The following EVA1C variants were observed in gnomAD, a reference collection of about 807,000 sequenced individuals.
EVA1C encodes protein eva-1 homolog C.
EVA1C carries 25 observed loss-of-function variants against 45.4 expected under a neutral mutation model. The observed-to-expected ratio is 0.55, with a 90% confidence interval of 0.40 to 0.77. EVA1C has a LOEUF of 0.77. Among genes scored for constraint, EVA1C ranks in the 30% least tolerant of loss-of-function variants. EVA1C has a pLI of 0.00. For synonymous variants in EVA1C, 190 were observed against 221.2 expected, an observed-to-expected ratio of 0.86 and a Z score of 1.25; for missense variants, 479 against 554.8, an observed-to-expected ratio of 0.86 and a Z score of 1.37.
chr21:32,422,144 T>C (rs893345615), intron 1 of EVA1C, among the ~76,000 whole-genome samples: 1 of 151,892 alleles, frequency 6.6e-6, no homozygotes, highest in Admixed American at 6.6e-5. Flanking sequence ...AACAGGTGTA[T>C]TTGTAAAAGA....
intron 1 of EVA1C, among the ~76,000 whole-genome samples, chr21:32,442,669 A>AG (rs1208031759): frequency 6.6e-6 from 1 of 151,550 alleles, no homozygotes; most frequent in Non-Finnish European, 1.5e-5. Flanking sequence ...GTTATAAAAA[A>AG]AAAAAAAAAA....
At chr21:32,447,573 T>C (rs2035410966) in intron 1 of EVA1C, among the ~76,000 whole-genome samples, 1 of 152,060 alleles carries the variant, frequency 6.6e-6, no homozygotes, top group South Asian at 2.1e-4. Context: ...GCCAAGTCCC[T>C]TTTACCATGA....
intron 7 of EVA1C, among the ~76,000 whole-genome samples, chr21:32,513,370 C>T (rs1240269522): frequency 2.7e-5 from 4 of 148,478 alleles, no homozygotes; most frequent in Admixed American, 2.7e-4. Flanking sequence ...TTGGTACAGA[C>T]GGGGTTTCAC....
At chr21:32,461,942 G>A (rs908850335) in intron 3 of EVA1C, among the ~76,000 whole-genome samples, 12 of 152,170 alleles carry the variant, frequency 7.9e-5, no homozygotes, top group African/African-American at 2.9e-4. Flanking sequence ...CTAGGACTCA[G>A]TTGTAACATG....
intron 4 of EVA1C, among the ~76,000 whole-genome samples, chr21:32,491,767 G>C (rs1356410974): frequency 6.6e-6 from 1 of 151,532 alleles, no homozygotes; most frequent in Non-Finnish European, 1.5e-5. Flanking sequence ...AGGGAGTCCA[G>C]TTACTAGACT....
chr21:32,495,392 G>T (rs1220689866), intron 5 of EVA1C, among the ~76,000 whole-genome samples: 1 of 152,130 alleles, frequency 6.6e-6, no homozygotes, highest in Non-Finnish European at 1.5e-5. Context: ...CAAAATTTGT[G>T]TAAAAGCACC....
At chr21:32,457,477 C>T in intron 2 of EVA1C, 120 bp from the exon 3 acceptor site, 1 of 1,154,894 alleles carries the variant, frequency 8.7e-7, no homozygotes, top group Non-Finnish European at 1.3e-6. Flanking sequence ...GCCTTAGACA[C>T]AGCTTGGCCA....
chr21:32,421,667 G>C (rs533054025), intron 1 of EVA1C, among the ~76,000 whole-genome samples: 1 of 152,292 alleles, frequency 6.6e-6, no homozygotes, highest in Admixed American at 6.5e-5. Context: ...TAGCTAAAAT[G>C]CTGCTGATTA....
intron 5 of EVA1C, among the ~76,000 whole-genome samples, chr21:32,497,589 T>G (rs1434712758): frequency 6.6e-6 from 1 of 152,204 alleles, no homozygotes. Flanking sequence ...AGGTGCAGTT[T>G]CTAGTGTGCT....
intron 6 of EVA1C, among the ~76,000 whole-genome samples, chr21:32,503,440 G>A (rs897782449): frequency 6.6e-6 from 1 of 152,152 alleles, no homozygotes; most frequent in African/African-American, 2.4e-5. Flanking sequence ...CAGCTACTCA[G>A]GAGGCTGAGG....
chr21:32,498,755 G>GAT (rs2037436043), intron 5 of EVA1C, among the ~76,000 whole-genome samples: 2 of 152,166 alleles, frequency 1.3e-5, no homozygotes, highest in African/African-American at 4.8e-5. Context: ...TGAGGAGGAA[G>GAT]ATGGCCCTGG....
intron 6 of EVA1C, 64 bp downstream of exon 6, chr21:32,501,559 C>T: frequency 6.4e-7 from 1 of 1,572,806 alleles, no homozygotes. Flanking sequence ...CCTGGGTGAC[C>T]ACAGTTGGGC....
chr21:32,411,858 C>T (rs970585384), upstream of EVA1C: 1 of 152,412 alleles, frequency 6.6e-6, no homozygotes, highest in Non-Finnish European at 1.5e-5. Context: ...CCTCGATACC[C>T]TTGAGTTGGG....
In EVA1C at chr21:32,503,981, T is replaced by C; in HGVS notation, c.915T>C (p.Val305=). 6.2e-7 allele frequency: 1 copy of C among 1,611,780 alleles called. No homozygotes were observed. Among genetic ancestry groups the C allele is most frequent in the Non-Finnish European group, 8.5e-7 (1 of 1,179,678 alleles). Residue 305 remains valine, a synonymous_variant, in exon 7 of 8, where the codon GTT becomes GTC. Transcript: ENST00000300255. ...TTCTGAGGAAAGATGGAATTCTTGT[T>C]AGCAACTCTCTGGCAGCCTTTGCTT... ...SKVLRKDGIL[V]SNSLAAFAYI...
At chr21:32,481,598 T>C (rs1017757156) in intron 4 of EVA1C, among the ~76,000 whole-genome samples, 3 of 151,930 alleles carry the variant, frequency 2.0e-5, no homozygotes, top group Admixed American at 6.6e-5. Flanking sequence ...TTAAGTTATA[T>C]TAAAAAAAGA....
chr21:32,427,272 A>G (rs1386395156), intron 1 of EVA1C, among the ~76,000 whole-genome samples: 2 of 152,224 alleles, frequency 1.3e-5, no homozygotes, highest in Non-Finnish European at 2.9e-5. Flanking sequence ...GACGATGTAT[A>G]TAATACATTT....
chr21:32,461,845 G>A (rs2036008794), intron 3 of EVA1C, among the ~76,000 whole-genome samples: 1 of 152,168 alleles, frequency 6.6e-6, no homozygotes, highest in African/African-American at 2.4e-5. Flanking sequence ...AGGTTTCAGC[G>A]AGGCTTGGAT....
chr21:32,461,154 C>T (rs908099302), intron 3 of EVA1C, among the ~76,000 whole-genome samples: 4 of 152,208 alleles, frequency 2.6e-5, no homozygotes, highest in Non-Finnish European at 5.9e-5. Flanking sequence ...GTGCTCCATA[C>T]GGAAGCCTGT....
intron 4 of EVA1C, among the ~76,000 whole-genome samples, chr21:32,475,545 A>G (rs1467803250): frequency 1.3e-5 from 2 of 150,248 alleles, no homozygotes; most frequent in Non-Finnish European, 2.9e-5. Flanking sequence ...TTCTAAGCAG[A>G]TCCATTTGCA....
Sources: allele counts gnomAD v4.1 joint callset (sites outside exome capture counted in the v4.1 genomes callset), GRCh38; gene constraint gnomAD v4.1.1; transcripts MANE v1.5; gene names NCBI Gene and HGNC (gene_info 2026-07-23, HGNC 2026-07-21).